PRPSAP2: variants seen among roughly 807,000 people sequenced by gnomAD.
The protein encoded by PRPSAP2 is phosphoribosyl pyrophosphate synthetase associated protein 2, also known as phosphoribosyl pyrophosphate synthase-associated protein 2.
Under a neutral mutation model 40.6 loss-of-function variants are expected in PRPSAP2, and 24 were observed. The observed-to-expected ratio is 0.59, with a 90% CI of 0.43 to 0.83. PRPSAP2 has a LOEUF of 0.83. Among genes scored for constraint, PRPSAP2 ranks in the 40% least tolerant of loss-of-function variants. The pLI, the probability that PRPSAP2 is intolerant of heterozygous loss-of-function variation, is 0.00. For missense variants in PRPSAP2, 292 were observed against 465.6 expected (o/e 0.63, Z 3.43); for synonymous variants, 149 against 164.7 (o/e 0.90, Z 0.73).
intron 4 of PRPSAP2, among the ~76,000 whole-genome samples, chr17:18,872,285 A>G (rs1041016850): frequency 2.0e-5 from 3 of 152,064 alleles, no homozygotes; most frequent in Non-Finnish European, 2.9e-5. Context: ...AAAAAAAAAA[A>G]AAAAAGTTAC....
At chr17:18,868,249 G>A (rs780208790) in intron 4 of PRPSAP2, among the ~76,000 whole-genome samples, 2 of 152,110 alleles carry the variant, frequency 1.3e-5, no homozygotes, top group African/African-American at 2.4e-5. Flanking sequence ...CGAGGTGGGC[G>A]GATCACCTGA....
Position 18,882,616 on chromosome 17 carries a change from G to A in PRPSAP2, c.461G>A (p.Gly154Asp). The change falls in exon 7 of 12, where the codon GGC (glycine) becomes GAC (aspartate). Residue 154 changes from glycine to aspartate, a missense_variant. By Grantham distance (94) the Gly-to-Asp change is moderately conservative (BLOSUM62 -1). This residue lies in a region of PRPSAP2 where 241 missense variants were observed against 425.7 expected (regional missense o/e 0.57). Transcript: ENST00000268835. ...TMDLHQKEIQ[G>D]FFNIPVDNLR... ...GATTTACACCAGAAGGAAATTCAGGGCTTCTTCAATATTCCTGTTGACAAT... is the reference window on the plus strand; with the variant it reads ...GATTTACACCAGAAGGAAATTCAGGACTTCTTCAATATTCCTGTTGACAAT... The A allele has an allele frequency of 1.9e-6, 3 of 1,602,856 alleles. No homozygotes were observed. The highest frequency in any genetic ancestry group is 2.6e-6 in the Non-Finnish European group (3 of 1,169,896).
rs983106828 is a variant in PRPSAP2 at position 18,877,831 on chromosome 17, A to G, written c.373A>G (p.Ile125Val). 14 of 1,613,136 alleles carry G rather than the reference A, an allele frequency of 8.7e-6. No homozygotes were observed. Among genetic ancestry groups the G allele is most frequent in the South Asian group, 1.1e-5 (1 of 90,914 alleles). Residue 125 changes from isoleucine to valine, a missense_variant, in exon 6 of 12, where the codon ATT becomes GTT. Physicochemically the swap from Ile to Val is conservative, Grantham distance 29 (BLOSUM62 3). Transcript: ENST00000268835. ...GTGCAAGATGAGAAAAAGAGGCTCC[A>G]TTGTCTCTAAATTGCTGGCTTCCAT... ...KQCKMRKRGSIVSKLLASMMC... is the reference protein window; with the variant it reads ...KQCKMRKRGSVVSKLLASMMC...
intron 6 of PRPSAP2, 44 bp from the exon 7 acceptor site, chr17:18,882,524 A>G (rs780433600): frequency 6.6e-6 from 9 of 1,355,714 alleles, no homozygotes. Context: ...AAAAAAAAAC[A>G]AAAACAAAAC....
In PRPSAP2 at chr17:18,877,645, G is replaced by A. The variant is rs999502853; in HGVS notation, c.240-53G>A. The A allele has an allele frequency of 7.3e-5, 111 of 1,518,312 alleles. No individual in the cohort carries two copies. In the African/African-American group the frequency reaches 1.2e-3, roughly 17 times the overall value. The allele number at this position is 1,518,312 out of a possible 1,614,324, so 94.1% of individuals were successfully genotyped here. A position where few individuals can be genotyped will look rare whatever the true frequency, so the allele number is the denominator to read the frequency against. On this transcript the variant is annotated intron_variant, in intron 5 of 11. Transcript: ENST00000268835. ...CACACTGCTGACACTTTTTGGAACA[G>A]GGAATACTGTGTTGTAGATCCCTTG...
intron 1 of PRPSAP2, chr17:18,859,771 G>C (rs2036861317): frequency 6.6e-6 from 1 of 152,060 alleles, no homozygotes; most frequent in Non-Finnish European, 1.5e-5. Context: ...TTTTTGCAGA[G>C]TCTTGCTCTG....
intron 5 of PRPSAP2, among the ~76,000 whole-genome samples, 172 bp downstream of exon 5, chr17:18,872,821 T>C (rs376133499): frequency 7.5e-4 from 114 of 152,238 alleles, no homozygotes; most frequent in African/African-American, 2.6e-3. Context: ...CTTTTACATG[T>C]TCTTTCAGTG....
At chr17:18,871,278 C>G (rs1345685538) in intron 4 of PRPSAP2, among the ~76,000 whole-genome samples, 5 of 152,138 alleles carry the variant, frequency 3.3e-5, no homozygotes, top group Non-Finnish European at 5.9e-5. Context: ...CCTGGGCCTC[C>G]CAAAGTTCTG....
intron 1 of PRPSAP2, among the ~76,000 whole-genome samples, chr17:18,863,904 A>C (rs12942794): frequency 0.54 from 77,774 of 143,858 alleles, 20,923 homozygotes; most frequent in Middle Eastern, 0.62. Flanking sequence ...AGTGCAGTGG[A>C]TCTCAGCTCA....
intron 7 of PRPSAP2, among the ~76,000 whole-genome samples, chr17:18,888,994 G>A (rs879570739): frequency 3.0e-4 from 45 of 152,156 alleles, no homozygotes; most frequent in Non-Finnish European, 5.9e-4. Context: ...GCTGGGTTTG[G>A]TAATGTTTGA....
intron 5 of PRPSAP2, among the ~76,000 whole-genome samples, chr17:18,877,282 G>A (rs1196015957): frequency 2.6e-5 from 4 of 152,180 alleles, no homozygotes; most frequent in Non-Finnish European, 4.4e-5. Context: ...GTTATGAGTC[G>A]TGTTAATGGA....
intron 8 of PRPSAP2, among the ~76,000 whole-genome samples, chr17:18,906,461 G>A (rs2040591590): frequency 2.0e-5 from 3 of 151,966 alleles, no homozygotes; most frequent in South Asian, 4.1e-4. Flanking sequence ...CGATCCACCC[G>A]CCTCAGCCTC....
At chr17:18,873,083 C>T (rs2038010089) in intron 5 of PRPSAP2, among the ~76,000 whole-genome samples, 2 of 151,940 alleles carry the variant, frequency 1.3e-5, no homozygotes, top group South Asian at 4.1e-4. Context: ...CTCACGCAAT[C>T]TGCCCGCCTC....
At chr17:18,874,162 C>T (rs2038103514) in intron 5 of PRPSAP2, among the ~76,000 whole-genome samples, 1 of 152,134 alleles carries the variant, frequency 6.6e-6, no homozygotes, top group South Asian at 2.1e-4. Context: ...GCCTTGACCT[C>T]CTATATTGCT....
intron 11 of PRPSAP2, among the ~76,000 whole-genome samples, chr17:18,929,985 G>A (rs528071860): frequency 3.2e-4 from 48 of 152,118 alleles, no homozygotes; most frequent in African/African-American, 4.3e-4. Context: ...CGTGAGTTGG[G>A]GGGGGGCTCC....
chr17:18,913,513 T>C (rs962637275), intron 9 of PRPSAP2, among the ~76,000 whole-genome samples: 3 of 150,316 alleles, frequency 2.0e-5, no homozygotes, highest in African/African-American at 7.3e-5. Context: ...GGTCATTGAG[T>C]CACTGTCTTG....
intron 5 of PRPSAP2, 78 bp downstream of exon 5, chr17:18,872,727 C>T: frequency 1.7e-6 from 2 of 1,164,776 alleles, no homozygotes; most frequent in Non-Finnish European, 1.3e-6. Context: ...GATGGCTAGC[C>T]AGGAAGAGTT....
At chr17:18,896,849 C>T (rs560112685) in intron 8 of PRPSAP2, among the ~76,000 whole-genome samples, 8 of 152,262 alleles carry the variant, frequency 5.3e-5, no homozygotes, top group African/African-American at 1.9e-4. Context: ...TGCTAGTCTT[C>T]TGTTTCTCAT....
In PRPSAP2 at chr17:18,911,007, C is replaced by A; in HGVS notation, c.585-96C>A. ...TTTTCTTTAGTCCTTTGGGAGACAACATTCTACTTATGTTCTCTTAATGTT... is the reference window on the plus strand; with the variant it reads ...TTTTCTTTAGTCCTTTGGGAGACAAAATTCTACTTATGTTCTCTTAATGTT... On this transcript the variant is annotated intron_variant, in intron 8 of 11. Coordinates refer to ENST00000268835, the MANE Select transcript of PRPSAP2 (RefSeq NM_002767.4). The surrounding 1 kb of genome is among the most constrained non-coding windows in gnomAD (Gnocchi z 4.5). 1 of 1,359,494 alleles carries A rather than the reference C, an allele frequency of 7.4e-7. No homozygotes were observed. The highest frequency in any genetic ancestry group is 9.7e-7 in the Non-Finnish European group (1 of 1,028,620). The allele number at this position is 1,359,494 out of a possible 1,614,324, so 84.2% of individuals were successfully genotyped here.
Sources: gnomAD v4.1 joint callset for allele counts (sites outside exome capture counted in the v4.1 genomes callset) on GRCh38, gnomAD v4.1.1 for gene constraint, gnomAD v4.1.1 regional missense constraint, Gnocchi (gnomAD v3.1) non-coding constraint, MANE v1.5 for transcripts, NCBI Gene and HGNC (gene_info 2026-07-23, HGNC 2026-07-21) for gene names.